TRIM55: variants seen among roughly 807,000 people sequenced by gnomAD.
TRIM55 encodes the protein tripartite motif containing 55.
A neutral mutation model predicts 60.9 loss-of-function variants in TRIM55; 50 were observed. The ratio of observed to expected loss-of-function variants is 0.82; its 90% CI spans 0.65 to 1.04. The LOEUF (loss-of-function observed/expected upper bound fraction) is 1.04. Among genes scored for constraint, TRIM55 ranks in the 50% least tolerant of loss-of-function variants. TRIM55 has a pLI of 0.00. For missense variants in TRIM55, 681 were observed against 666.9 expected, an observed-to-expected ratio of 1.02 and a Z score of -0.23; for synonymous variants, 237 against 238.1, an observed-to-expected ratio of 1.00 and a Z score of 0.04.
chr8:66,130,034 G>T (rs1002419149), intron 2 of TRIM55, among the ~76,000 whole-genome samples: 3 of 152,164 alleles, frequency 2.0e-5, no homozygotes, highest in African/African-American at 7.2e-5. Context: ...ATTCTTTCAT[G>T]TTCTATTTAT....
intron 2 of TRIM55, among the ~76,000 whole-genome samples, chr8:66,134,474 G>T (rs1010199973): frequency 3.9e-5 from 6 of 152,114 alleles, no homozygotes. Flanking sequence ...AGAGGCTGGA[G>T]GGGGGCGATC....
chr8:66,128,184 T>C (rs2128972330), intron 1 of TRIM55, 120 bp from the exon 2 acceptor site: 1 of 976,626 alleles, frequency 1.0e-6, no homozygotes, highest in East Asian at 2.5e-5. Context: ...TGAGGGATGA[T>C]CTTATGGCAA....
intron 2 of TRIM55, among the ~76,000 whole-genome samples, chr8:66,133,662 G>A (rs993743768): frequency 6.6e-6 from 1 of 152,158 alleles, no homozygotes; most frequent in Admixed American, 6.5e-5. Context: ...ACAAGACCCA[G>A]GGCTTCTCCC....
At chr8:66,137,834 G>A (rs1168848347) in intron 4 of TRIM55, among the ~76,000 whole-genome samples, 4 of 151,736 alleles carry the variant, frequency 2.6e-5, no homozygotes, top group South Asian at 4.2e-4. Flanking sequence ...TGAGCTTGCC[G>A]TATAATAAAT....
At chr8:66,139,555 G>A (rs1007409033) in intron 4 of TRIM55, among the ~76,000 whole-genome samples, 4 of 152,188 alleles carry the variant, frequency 2.6e-5, no homozygotes, top group African/African-American at 7.2e-5. Flanking sequence ...TCAGCAGAAG[G>A]GATTAGTGCA....
chr8:66,119,571 G>A, the TRIM55 span, among the ~76,000 whole-genome samples: 12 of 152,176 alleles, frequency 7.9e-5, no homozygotes, highest in African/African-American at 2.2e-4. Flanking sequence ...AATGTCTCCC[G>A]TTCTCAGAAT....
intron 4 of TRIM55, among the ~76,000 whole-genome samples, chr8:66,138,595 T>C (rs1030788946): frequency 6.6e-6 from 1 of 152,190 alleles, no homozygotes; most frequent in Non-Finnish European, 1.5e-5. Flanking sequence ...CTCATTCTGT[T>C]GGCCAGGCTG....
chr8:66,122,763 A>C (rs186453106), upstream of TRIM55, among the ~76,000 whole-genome samples: 1 of 152,314 alleles, frequency 6.6e-6, no homozygotes, highest in Non-Finnish European at 1.5e-5. Flanking sequence ...GGCTTAGCTG[A>C]TCAGTATTAA....
At chr8:66,144,874 G>A (rs923549696) in intron 4 of TRIM55, among the ~76,000 whole-genome samples, 2 of 152,166 alleles carry the variant, frequency 1.3e-5, no homozygotes, top group African/African-American at 2.4e-5. Context: ...GTCTGCAGAC[G>A]TTTTCACAAT....
the TRIM55 span, among the ~76,000 whole-genome samples, chr8:66,120,340 C>T: frequency 5.9e-5 from 9 of 152,114 alleles, no homozygotes; most frequent in African/African-American, 1.9e-4. Context: ...TAGAATTTCC[C>T]GAGTGACAGA....
the TRIM55 span, chr8:66,113,437 T>G: frequency 3.6e-5 from 16 of 449,622 alleles, no homozygotes; most frequent in Admixed American, 7.1e-5. Flanking sequence ...CTTAGGTCGC[T>G]GGTTCGATTC....
intron 2 of TRIM55, among the ~76,000 whole-genome samples, chr8:66,129,575 A>G (rs1809024874): frequency 6.6e-6 from 1 of 152,218 alleles, no homozygotes; most frequent in South Asian, 2.1e-4. Context: ...CTGATGACAT[A>G]TTGCAGAGAT....
chr8:66,142,081 G>A (rs1013243390), intron 4 of TRIM55, among the ~76,000 whole-genome samples: 2 of 152,206 alleles, frequency 1.3e-5, no homozygotes, highest in Non-Finnish European at 2.9e-5. Flanking sequence ...TTACAGTGGG[G>A]ATGATAATAC....
chr8:66,148,067 T>G (rs1810202388), intron 4 of TRIM55, among the ~76,000 whole-genome samples: 1 of 152,218 alleles, frequency 6.6e-6, no homozygotes, highest in Non-Finnish European at 1.5e-5. Flanking sequence ...AAGCTCTCAC[T>G]GTGCGGGAGA....
At chr8:66,158,205 C>T (rs1480354652) in intron 9 of TRIM55, among the ~76,000 whole-genome samples, 1 of 141,480 alleles carries the variant, frequency 7.1e-6, no homozygotes, top group African/African-American at 2.6e-5. Flanking sequence ...ACACACACTG[C>T]AGCCAGAGCC....
the TRIM55 span, chr8:66,114,539 T>C: frequency 2.2e-6 from 1 of 456,318 alleles, no homozygotes; most frequent in South Asian, 1.5e-5. Flanking sequence ...TTATGATTTG[T>C]GATAAGATGT....
chr8:66,167,760 T>A (rs1034933908), intron 9 of TRIM55, among the ~76,000 whole-genome samples: 1 of 151,868 alleles, frequency 6.6e-6, no homozygotes, highest in African/African-American at 2.4e-5. Flanking sequence ...ATGCTTTTCT[T>A]TTTTTTTAGA....
chr8:66,114,673 C>G, the TRIM55 span: 3 of 455,940 alleles, frequency 6.6e-6, no homozygotes, highest in East Asian at 6.9e-5. Context: ...TTTGCTCAAC[C>G]GAGGAAGCAG....
At chr8:66,153,203 C>A (rs1810544456) in intron 8 of TRIM55, among the ~76,000 whole-genome samples, 1 of 152,126 alleles carries the variant, frequency 6.6e-6, no homozygotes, top group South Asian at 2.1e-4. Flanking sequence ...CTTCAGTGAG[C>A]AAACAATGAA....
Sources: allele counts gnomAD v4.1 joint callset (sites outside exome capture counted in the v4.1 genomes callset), GRCh38; gene constraint gnomAD v4.1.1; transcripts MANE v1.5; gene names NCBI Gene and HGNC (gene_info 2026-07-23, HGNC 2026-07-21).